Variants in HMGXB3 observed in about 807,000 individuals in gnomAD.
The protein encoded by HMGXB3 is HMG-box containing 3.
A neutral mutation model predicts 121.5 loss-of-function variants in HMGXB3; 45 were observed. That is an observed-to-expected ratio of 0.37 (90% CI 0.29 to 0.47). The LOEUF is 0.47. Among genes scored for constraint, HMGXB3 ranks in the 20% least tolerant of loss-of-function variants. The pLI is 0.99. For synonymous variants in HMGXB3, 590 were observed against 624.1 expected, an observed-to-expected ratio of 0.95 and a Z score of 0.81; for missense variants, 1,376 against 1,602.2, an observed-to-expected ratio of 0.86 and a Z score of 2.41.
chr5:150,031,567 C>T (rs1756381142), intron 10 of HMGXB3, among the ~76,000 whole-genome samples: 1 of 152,224 alleles, frequency 6.6e-6, no homozygotes, highest in Admixed American at 6.5e-5. Context: ...ATCTGTCACT[C>T]TCAACATTCT....
rs551301282 is a variant in HMGXB3, at chr5:150,018,702, G to A, written c.1041+5G>A. ...GGAGGGAAGTGGATCCCAAAGGTAA[G>A]GTCCATTGGCTGTTGCTGCTTTGGA... is the stretch of plus-strand genomic sequence containing the variant. On this transcript the variant is annotated splice_donor_5th_base_variant and intron_variant, in intron 6 of 19. Transcript: ENST00000502717. 9.0e-6 allele frequency: 14 copies of A among 1,549,412 alleles called. No individual in the cohort carries two copies. The Admixed American group carries it at 2.2e-4, about 24-fold the overall frequency.
intron 7 of HMGXB3, among the ~76,000 whole-genome samples, chr5:150,025,107 C>T (rs573153331): frequency 6.6e-6 from 1 of 152,212 alleles, no homozygotes; most frequent in Non-Finnish European, 1.5e-5. Context: ...ATTGTCACTT[C>T]ATGTCTCTTC....
chr5:150,016,072 C>T (rs550781371), intron 5 of HMGXB3, among the ~76,000 whole-genome samples: 4 of 152,286 alleles, frequency 2.6e-5, no homozygotes, highest in East Asian at 1.9e-4. Context: ...TGGCCGGGCA[C>T]GGTGATATGT....
intron 13 of HMGXB3, 88 bp from the exon 14 acceptor site, chr5:150,040,660 G>C: frequency 7.3e-7 from 1 of 1,378,912 alleles, no homozygotes. Flanking sequence ...CTACAGGCAC[G>C]TGCCACCGCA....
At chr5:150,050,510 C>G (rs1756865538) in intron 19 of HMGXB3, 49 bp downstream of exon 19, 1 of 1,407,380 alleles carries the variant, frequency 7.1e-7, no homozygotes. Flanking sequence ...CCTACCATGT[C>G]TTGCTCTGTC....
At chr5:150,037,330 T>C (rs1561878332) in intron 12 of HMGXB3, 70 bp from the exon 13 acceptor site, 4 of 1,391,440 alleles carry the variant, frequency 2.9e-6, no homozygotes, top group Non-Finnish European at 3.8e-6. Context: ...CATTGATCAC[T>C]GAGCCCTGGA....
At chr5:150,019,470 ATGT>A (rs1220033667) in intron 6 of HMGXB3, among the ~76,000 whole-genome samples, 2 of 152,214 alleles carry the variant, frequency 1.3e-5, no homozygotes, top group African/African-American at 4.8e-5. Context: ...TCCGTTTAAC[ATGT>A]TGTCACCTGT....
In HMGXB3 at chr5:150,018,580, C is replaced by G. The variant is rs1425287808; in HGVS notation, c.924C>G (p.Thr308=). The G allele has an allele frequency of 6.5e-7, 1 of 1,548,404 alleles. No individual in the cohort carries two copies. The highest frequency in any genetic ancestry group is 8.7e-7 in the Non-Finnish European group (1 of 1,145,606). ...PTSIKLTTTY[T]RRGHGTCTSP... ...TTTATTTACAGACCACTACATATACCCGCCGGGGCCATGGGACATGCACCA... is the reference window on the plus strand; with the variant it reads ...TTTATTTACAGACCACTACATATACGCGCCGGGGCCATGGGACATGCACCA... The change falls in exon 6 of 20, where the codon ACC becomes ACG. Residue 308 remains threonine, a synonymous_variant. Coordinates refer to ENST00000502717, the MANE Select transcript of HMGXB3 (RefSeq NM_014983.3).
intron 15 of HMGXB3, among the ~76,000 whole-genome samples, chr5:150,043,880 G>A (rs147087331): frequency 2.6e-5 from 4 of 152,310 alleles, no homozygotes; most frequent in Non-Finnish European, 4.4e-5. Flanking sequence ...TGCACCCTAA[G>A]CACTGCCATT....
intron 11 of HMGXB3, among the ~76,000 whole-genome samples, chr5:150,036,421 G>A (rs1756502444): frequency 6.6e-6 from 1 of 151,912 alleles, no homozygotes; most frequent in African/African-American, 2.4e-5. Flanking sequence ...TTTTGGATTG[G>A]GGTGCTCAAC....
At chr5:150,018,992 C>T (rs11741233) in intron 6 of HMGXB3, among the ~76,000 whole-genome samples, 18,145 of 151,206 alleles carry the variant, frequency 0.12, 1,309 homozygotes, top group Admixed American at 0.26. Context: ...TCTTCTTTCC[C>T]TTCTTTTTTT....
chr5:150,002,499 C>T (rs1200847650), intron 1 of HMGXB3, among the ~76,000 whole-genome samples: 7 of 152,144 alleles, frequency 4.6e-5, no homozygotes, highest in African/African-American at 1.7e-4. Flanking sequence ...GTATCAGTCC[C>T]ATATTTACCA....
intron 6 of HMGXB3, 70 bp from the exon 7 acceptor site, chr5:150,024,192 T>G: frequency 3.2e-6 from 4 of 1,232,890 alleles, no homozygotes; most frequent in Non-Finnish European, 4.4e-6. Flanking sequence ...TTATTAAAAA[T>G]GAGAGAATGT....
intron 11 of HMGXB3, among the ~76,000 whole-genome samples, chr5:150,036,399 G>A (rs1049800672): frequency 6.6e-6 from 1 of 152,044 alleles, no homozygotes; most frequent in African/African-American, 2.4e-5. Flanking sequence ...AAAAATTTCA[G>A]ATTTCAGAGC....
intron 4 of HMGXB3, among the ~76,000 whole-genome samples, 173 bp downstream of exon 4, chr5:150,010,781 T>C (rs1755812778): frequency 1.3e-5 from 2 of 152,252 alleles, no homozygotes; most frequent in Admixed American, 6.5e-5. Context: ...CAGAGTTCCT[T>C]GAAATTTCTC....
At chr5:150,010,655 TA>T in intron 4 of HMGXB3, 47 bp downstream of exon 4, 1 of 1,507,570 alleles carries the variant, frequency 6.6e-7, no homozygotes, top group African/African-American at 1.4e-5. Flanking sequence ...TGGAGTTACT[TA>T]AAGGGCAGCT....
rs1755539575 is a variant in HMGXB3 at position 150,000,785 on chromosome 5, C to G, written c.-397C>G. 1 of 154,734 alleles carries G rather than the reference C, an allele frequency of 6.5e-6. No individual in the cohort carries two copies. The allele number at this position is 154,734 out of a possible 1,614,324, so 9.6% of individuals were successfully genotyped here. ...GCCGGTGCAGCCGCCAAACCGGTGC[C>G]TCGGTGACGACCGTGTCCCTGCCGT... On this transcript the variant is annotated 5_prime_UTR_variant, in exon 1 of 20. Coordinates refer to ENST00000502717, the MANE Select transcript of HMGXB3 (RefSeq NM_014983.3).
At chr5:150,040,057 C>T (rs1236571231) in intron 13 of HMGXB3, among the ~76,000 whole-genome samples, 1 of 152,110 alleles carries the variant, frequency 6.6e-6, no homozygotes, top group East Asian at 1.9e-4. Context: ...CTGGCCTTTC[C>T]CCAGGTGAAG....
intron 19 of HMGXB3, among the ~76,000 whole-genome samples, chr5:150,050,800 G>T (rs1438854394): frequency 6.6e-6 from 1 of 152,218 alleles, no homozygotes; most frequent in African/African-American, 2.4e-5. Flanking sequence ...AGTTTTTACT[G>T]ACCAAGCCCT....
Sources: allele counts gnomAD v4.1 joint callset (sites outside exome capture counted in the v4.1 genomes callset), GRCh38; gene constraint gnomAD v4.1.1; transcripts MANE v1.5; gene names NCBI Gene and HGNC (gene_info 2026-07-23, HGNC 2026-07-21).